Variants in CAMKMT observed in about 807,000 individuals in gnomAD.
CAMKMT encodes the protein calmodulin-lysine N-methyltransferase.
In CAMKMT, 53 loss-of-function variants were observed where a neutral mutation model predicts 48.0. That is an observed-to-expected ratio of 1.10 (90% CI 0.89 to 1.39). The LOEUF (loss-of-function observed/expected upper bound fraction) is 1.39, where lower values mean the gene tolerates loss of function less well. Ranked by LOEUF, CAMKMT falls within the 40% of genes most tolerant of loss-of-function variation. The probability of loss-of-function intolerance (pLI) is 0.00; values close to 1 mark genes in which losing one functional copy is unlikely to be tolerated. For missense variants in CAMKMT, 428 were observed against 402.7 expected (o/e 1.06, Z -0.54); for synonymous variants, 165 against 152.3 (o/e 1.08, Z -0.61).
intron 3 of CAMKMT, among the ~76,000 whole-genome samples, chr2:44,585,364 G>C (rs1238817741): frequency 2.0e-5 from 3 of 152,176 alleles, no homozygotes; most frequent in South Asian, 2.1e-4. Context: ...CTTCAGAAAG[G>C]ATTTTGATTC....
chr2:44,673,473 G>A (rs1420542841), intron 3 of CAMKMT, among the ~76,000 whole-genome samples: 7 of 77,484 alleles, frequency 9.0e-5, no homozygotes, highest in African/African-American at 2.6e-4. Context: ...AAGAGAGAGA[G>A]GAAGGAAGGA....
chr2:44,487,599 C>T (rs1669275858), intron 3 of CAMKMT, among the ~76,000 whole-genome samples: 1 of 152,098 alleles, frequency 6.6e-6, no homozygotes, highest in Non-Finnish European at 1.5e-5. Context: ...ATGCCTAAAC[C>T]AGGTAACCGG....
intron 3 of CAMKMT, among the ~76,000 whole-genome samples, chr2:44,670,364 A>G (rs1010740386): frequency 6.6e-6 from 1 of 152,144 alleles, no homozygotes; most frequent in African/African-American, 2.4e-5. Flanking sequence ...GGATCACTTG[A>G]CACCAGGAGT....
chr2:44,419,440 C>G (rs1159977388), intron 3 of CAMKMT, among the ~76,000 whole-genome samples: 1 of 152,160 alleles, frequency 6.6e-6, no homozygotes, highest in Non-Finnish European at 1.5e-5. Flanking sequence ...GTGGTGGCCT[C>G]CTATTCCCCC....
chr2:44,594,107 G>C (rs1378625189), intron 3 of CAMKMT, among the ~76,000 whole-genome samples: 1 of 152,064 alleles, frequency 6.6e-6, no homozygotes, highest in Non-Finnish European at 1.5e-5. Context: ...AACTTACAAG[G>C]GTTGTGAAGG....
chr2:44,519,704 A>T (rs1671003867), intron 3 of CAMKMT, among the ~76,000 whole-genome samples: 1 of 152,332 alleles, frequency 6.6e-6, no homozygotes, highest in East Asian at 1.9e-4. Flanking sequence ...GTTACTAAAA[A>T]GTTTTACTAT....
intron 10 of CAMKMT, among the ~76,000 whole-genome samples, chr2:44,768,361 A>ATATATATATATATTTTT (rs35058824): frequency 2.6e-5 from 3 of 115,744 alleles, no homozygotes; most frequent in African/African-American, 1.1e-4. Flanking sequence ...ATATATATAT[A>ATATATATATATATTTTT]TTTTTTTTTT....
intron 3 of CAMKMT, among the ~76,000 whole-genome samples, chr2:44,599,555 G>C (rs559077467): frequency 4.6e-5 from 7 of 152,022 alleles, no homozygotes; most frequent in Non-Finnish European, 1.0e-4. Flanking sequence ...AGAATGAAAA[G>C]TAATTTGTCA....
chr2:44,414,889 C>T (rs78373935), intron 3 of CAMKMT, among the ~76,000 whole-genome samples: 6,757 of 152,304 alleles, frequency 0.044, 461 homozygotes, highest in African/African-American at 0.15. Flanking sequence ...GGCGTGGTGG[C>T]TTATGCCTGT....
At chr2:44,494,989 G>A (rs1013971541) in intron 3 of CAMKMT, among the ~76,000 whole-genome samples, 1 of 152,138 alleles carries the variant, frequency 6.6e-6, no homozygotes, top group Admixed American at 6.5e-5. Flanking sequence ...TGCTCAGGAA[G>A]TATCTGTTGA....
At chr2:44,387,151 C>T (rs1194966287) in intron 2 of CAMKMT, among the ~76,000 whole-genome samples, 1 of 152,040 alleles carries the variant, frequency 6.6e-6, no homozygotes, top group Non-Finnish European at 1.5e-5. Flanking sequence ...TGCTGTCTAT[C>T]TCATTTCTTA....
chr2:44,414,189 A>G (rs1244376384), intron 3 of CAMKMT, among the ~76,000 whole-genome samples: 2 of 152,202 alleles, frequency 1.3e-5, no homozygotes, highest in Non-Finnish European at 2.9e-5. Flanking sequence ...TGGTTGTTCC[A>G]AAGGAAAGAA....
At chr2:44,642,109 A>T (rs978296270) in intron 3 of CAMKMT, among the ~76,000 whole-genome samples, 1 of 152,230 alleles carries the variant, frequency 6.6e-6, no homozygotes, top group South Asian at 2.1e-4. Context: ...GGTAATGAAT[A>T]TGCTATTTTA....
chr2:44,680,810 A>G (rs1675973525), intron 3 of CAMKMT, among the ~76,000 whole-genome samples: 1 of 152,174 alleles, frequency 6.6e-6, no homozygotes, highest in Non-Finnish European at 1.5e-5. Context: ...AAAGACATCA[A>G]GATGTGAGAA....
intron 3 of CAMKMT, among the ~76,000 whole-genome samples, chr2:44,463,378 C>G (rs1423527055): frequency 6.6e-6 from 1 of 152,196 alleles, no homozygotes; most frequent in Non-Finnish European, 1.5e-5. Context: ...AGAGATAAGA[C>G]AAGTAGTTCC....
At chr2:44,386,939 T>G (rs947621330) in intron 2 of CAMKMT, among the ~76,000 whole-genome samples, 5 of 152,154 alleles carry the variant, frequency 3.3e-5, no homozygotes, top group African/African-American at 1.2e-4. Flanking sequence ...GCCTATCATA[T>G]GGTCTGTCTT....
intron 3 of CAMKMT, among the ~76,000 whole-genome samples, chr2:44,467,868 G>A (rs1003076760): frequency 8.5e-5 from 13 of 152,150 alleles, no homozygotes; most frequent in African/African-American, 2.9e-4. Flanking sequence ...GATGGATTAC[G>A]GACTCAAATA....
chr2:44,748,696 C>T (rs1230447880), intron 8 of CAMKMT, among the ~76,000 whole-genome samples: 1 of 151,952 alleles, frequency 6.6e-6, no homozygotes, highest in South Asian at 2.1e-4. Flanking sequence ...CACGGTGAAA[C>T]CCCATCTCTA....
intron 3 of CAMKMT, among the ~76,000 whole-genome samples, chr2:44,691,275 A>G (rs896879238): frequency 6.6e-6 from 1 of 152,038 alleles, no homozygotes; most frequent in Non-Finnish European, 1.5e-5. Flanking sequence ...TCCATTTCTC[A>G]TCTGTCACTC....
Sources: allele counts gnomAD v4.1 joint callset (sites outside exome capture counted in the v4.1 genomes callset), GRCh38; gene constraint gnomAD v4.1.1; transcripts MANE v1.5; gene names NCBI Gene and HGNC (gene_info 2026-07-23, HGNC 2026-07-21).